The following ADK variants were observed in gnomAD, a reference collection of about 807,000 sequenced individuals.
The protein encoded by ADK is adenosine kinase, also known as N6,N6-dimethyladenosine kinase.
Under a neutral mutation model 44.7 loss-of-function variants are expected in ADK, and 24 were observed. The observed-to-expected ratio is 0.54, with a 90% confidence interval of 0.39 to 0.76. The LOEUF (loss-of-function observed/expected upper bound fraction) is 0.76, where lower values mean the gene tolerates loss of function less well. ADK is among the 30% of genes least tolerant of loss of function. The pLI is 0.00. For synonymous variants in ADK, 128 were observed against 142.6 expected (o/e 0.90, Z 0.73); for missense variants, 321 against 425.1 (o/e 0.76, Z 2.15).
intron 3 of ADK, among the ~76,000 whole-genome samples, chr10:74,283,190 A>T (rs140867971): frequency 7.9e-5 from 12 of 152,232 alleles, no homozygotes; most frequent in African/African-American, 2.6e-4. Context: ...TTCTAATACT[A>T]ATTACCACAC....
intron 7 of ADK, chr10:74,527,859 A>T: frequency 1.1e-6 from 1 of 948,382 alleles, no homozygotes; most frequent in Non-Finnish European, 1.7e-6. Context: ...TGCCAGCCAG[A>T]TCTCTAACAT....
intron 4 of ADK, among the ~76,000 whole-genome samples, chr10:74,387,563 A>G (rs1184249860): frequency 1.3e-5 from 2 of 152,194 alleles, no homozygotes; most frequent in Admixed American, 6.5e-5. Flanking sequence ...GTTTGTAACC[A>G]TTTTGGAAGA....
intron 6 of ADK, among the ~76,000 whole-genome samples, chr10:74,515,521 C>T (rs1848533724): frequency 2.0e-5 from 3 of 152,154 alleles, no homozygotes; most frequent in African/African-American, 7.2e-5. Flanking sequence ...GGGCTTTTGG[C>T]CACTTGGCTG....
intron 7 of ADK, among the ~76,000 whole-genome samples, chr10:74,532,291 A>C (rs1849314286): frequency 6.6e-6 from 1 of 152,002 alleles, no homozygotes; most frequent in Non-Finnish European, 1.5e-5. Context: ...CAGCCTGGCC[A>C]ACATTGCAAA....
intron 9 of ADK, among the ~76,000 whole-genome samples, 190 bp downstream of exon 9, chr10:74,600,683 T>A (rs1375152611): frequency 6.6e-6 from 1 of 151,810 alleles, no homozygotes; most frequent in Non-Finnish European, 1.5e-5. Context: ...AAGAAGATAG[T>A]TTATTAACAT....
chr10:74,491,204 CAGTG>C (rs1363117644), intron 6 of ADK, among the ~76,000 whole-genome samples: 1 of 152,072 alleles, frequency 6.6e-6, no homozygotes, highest in Admixed American at 6.6e-5. Flanking sequence ...GGAAGATACT[CAGTG>C]AGTGTTTGTT....
chr10:74,695,838 A>G (rs143715452), intron 10 of ADK, among the ~76,000 whole-genome samples: 1,656 of 151,830 alleles, frequency 0.011, 14 homozygotes, highest in Non-Finnish European at 0.015. Context: ...CGAGGTTTCA[A>G]TTTCTTACCC....
intron 6 of ADK, among the ~76,000 whole-genome samples, chr10:74,449,355 G>A (rs1026586549): frequency 2.0e-5 from 3 of 152,238 alleles, no homozygotes; most frequent in Admixed American, 6.5e-5. Context: ...AACTGACTGG[G>A]AGTTTTAATT....
chr10:74,610,072 T>C (rs536319768), intron 9 of ADK, among the ~76,000 whole-genome samples: 11 of 152,136 alleles, frequency 7.2e-5, no homozygotes, highest in Non-Finnish European at 1.6e-4. Context: ...GCAGAGTATA[T>C]GTCCAAAATA....
intron 6 of ADK, among the ~76,000 whole-genome samples, chr10:74,447,912 G>A (rs1159557526): frequency 1.3e-5 from 2 of 152,112 alleles, no homozygotes; most frequent in Non-Finnish European, 2.9e-5. Context: ...GGTGTATCAC[G>A]CCTGTAATCC....
intron 4 of ADK, among the ~76,000 whole-genome samples, chr10:74,335,457 T>C (rs1323130950): frequency 2.0e-5 from 3 of 152,232 alleles, no homozygotes; most frequent in Non-Finnish European, 4.4e-5. Flanking sequence ...TTTTAATGGC[T>C]GAGTAGTTTT....
chr10:74,398,431 T>A, intron 5 of ADK, 40 bp from the exon 6 acceptor site: 1 of 1,384,972 alleles, frequency 7.2e-7, no homozygotes, highest in Non-Finnish European at 1.0e-6. Flanking sequence ...TATGCTAAGT[T>A]TGACTATAAT....
intron 6 of ADK, among the ~76,000 whole-genome samples, 175 bp from the exon 7 acceptor site, chr10:74,525,081 G>A (rs1848985481): frequency 6.6e-6 from 1 of 152,136 alleles, no homozygotes; most frequent in Admixed American, 6.5e-5. Context: ...CATGTATCAA[G>A]CATATGGTAC....
At chr10:74,242,161 T>G (rs1022491928) in intron 3 of ADK, among the ~76,000 whole-genome samples, 1 of 152,240 alleles carries the variant, frequency 6.6e-6, no homozygotes, top group African/African-American at 2.4e-5. Context: ...TTAACTCTTT[T>G]GTGTTGAAGT....
At chr10:74,163,071 G>T (rs1357339025) in intron 1 of ADK, among the ~76,000 whole-genome samples, 1 of 151,478 alleles carries the variant, frequency 6.6e-6, no homozygotes, top group African/African-American at 2.4e-5. Flanking sequence ...GGGTTCAAGC[G>T]ATTCTCCTGC....
intron 4 of ADK, among the ~76,000 whole-genome samples, chr10:74,376,801 T>C (rs1842834188): frequency 1.3e-5 from 2 of 150,608 alleles, no homozygotes; most frequent in East Asian, 3.9e-4. Flanking sequence ...TTTAATACTG[T>C]CATTGACCTT....
intron 9 of ADK, among the ~76,000 whole-genome samples, chr10:74,625,736 G>A (rs1853172516): frequency 6.6e-6 from 1 of 152,138 alleles, no homozygotes; most frequent in South Asian, 2.1e-4. Flanking sequence ...TATGGTAAAA[G>A]CACTAGGGAA....
intron 6 of ADK, among the ~76,000 whole-genome samples, chr10:74,470,024 CT>C (rs372745779): frequency 0.015 from 2,008 of 133,258 alleles, 27 homozygotes; most frequent in African/African-American, 0.04. Context: ...TATATACCAC[CT>C]TTTTTTTTTT....
intron 7 of ADK, among the ~76,000 whole-genome samples, chr10:74,529,821 G>C (rs758400447): frequency 3.9e-5 from 6 of 152,106 alleles, no homozygotes; most frequent in Non-Finnish European, 5.9e-5. Flanking sequence ...TCATTACGTG[G>C]ACTATAGAAT....
Sources: gnomAD v4.1 joint callset for allele counts (sites outside exome capture counted in the v4.1 genomes callset) on GRCh38, gnomAD v4.1.1 for gene constraint, MANE v1.5 for transcripts, NCBI Gene and HGNC (gene_info 2026-07-23, HGNC 2026-07-21) for gene names.